The following DCDC1 variants were observed in gnomAD, a reference collection of about 807,000 sequenced individuals.
DCDC1 encodes doublecortin domain containing 1.
In DCDC1, 200 loss-of-function variants were observed where a neutral mutation model predicts 178.3. That is an observed-to-expected ratio of 1.12 (90% CI 1.00 to 1.26). DCDC1 has a LOEUF of 1.26. Ranked by LOEUF, DCDC1 falls within the 50% of genes most tolerant of loss-of-function variation. The probability of loss-of-function intolerance (pLI) is 0.00; values close to 1 mark genes in which losing one functional copy is unlikely to be tolerated. For missense variants in DCDC1, 1,983 were observed against 1,749.2 expected (o/e 1.13, Z -2.38); for synonymous variants, 690 against 604.8 (o/e 1.14, Z -2.07).
chr11:31,185,768 T>G (rs764438453), intron 9 of DCDC1, among the ~76,000 whole-genome samples: 3 of 152,214 alleles, frequency 2.0e-5, no homozygotes, highest in Non-Finnish European at 1.5e-5. Flanking sequence ...AAGGCTAGAG[T>G]TGCCATGCAA....
intron 8 of DCDC1, among the ~76,000 whole-genome samples, chr11:31,255,160 T>A (rs912353649): frequency 6.6e-6 from 1 of 152,250 alleles, no homozygotes; most frequent in Non-Finnish European, 1.5e-5. Context: ...ATTGTATGTA[T>A]ATACTACCAT....
intron 9 of DCDC1, among the ~76,000 whole-genome samples, chr11:31,225,081 G>T (rs1974750959): frequency 6.6e-6 from 1 of 152,042 alleles, no homozygotes; most frequent in African/African-American, 2.4e-5. Context: ...AGCAGCACAA[G>T]TCACAATTGC....
chr11:31,128,248 T>C (rs1405908311), intron 10 of DCDC1, among the ~76,000 whole-genome samples: 1 of 152,074 alleles, frequency 6.6e-6, no homozygotes, highest in Non-Finnish European at 1.5e-5. Context: ...ATTTTAAATA[T>C]ATATTAATGT....
At chr11:31,055,846 G>T (rs546570669) in intron 20 of DCDC1, among the ~76,000 whole-genome samples, 3 of 152,066 alleles carry the variant, frequency 2.0e-5, no homozygotes, top group Admixed American at 6.6e-5. Flanking sequence ...TTGGGTACTT[G>T]GGGGGAAGGA....
intron 20 of DCDC1, among the ~76,000 whole-genome samples, chr11:30,973,323 G>A (rs1949919024): frequency 6.7e-6 from 1 of 148,860 alleles, no homozygotes. Context: ...TCTTCCTCCT[G>A]CTCTGGCCAT....
intron 20 of DCDC1, among the ~76,000 whole-genome samples, chr11:30,983,550 G>A (rs181684420): frequency 5.3e-5 from 8 of 151,922 alleles, no homozygotes; most frequent in African/African-American, 1.9e-4. Context: ...AAATCATATT[G>A]GATTTTTTCA....
At position 30,986,229 on chromosome 11, in the gene DCDC1, A is replaced by T. The variant is rs1950633322; in HGVS notation, c.2592-33661T>A. 1.3e-5 allele frequency among the ~76,000 whole-genome samples: 2 copies of T among 152,126 alleles called. 1 individual carries two copies. Among genetic ancestry groups the T allele is most frequent in the Admixed American group, 1.3e-4 (2 of 15,270 alleles). ...ATGTTCACTCCCCAGACAGCAAGAA[A>T]AAAAAAAGGCAATAGTAAAAGATTT... is the stretch of plus-strand genomic sequence containing the variant. On this transcript the variant is annotated intron_variant, in intron 20 of 38. Coordinates refer to ENST00000684477, the MANE Select transcript of DCDC1 (RefSeq NM_001387274.1).
chr11:30,942,049 C>A (rs1374805201), intron 21 of DCDC1, among the ~76,000 whole-genome samples: 1 of 152,098 alleles, frequency 6.6e-6, no homozygotes, highest in African/African-American at 2.4e-5. Flanking sequence ...TATTCCTAAA[C>A]CTCACTGAGA....
chr11:30,953,070 A>T (rs763018140), intron 20 of DCDC1, among the ~76,000 whole-genome samples: 6 of 151,874 alleles, frequency 4.0e-5, no homozygotes, highest in Non-Finnish European at 7.4e-5. Flanking sequence ...ATGCTAATGG[A>T]GAACATATCT....
At chr11:31,098,075 T>G (rs1441441996) in intron 15 of DCDC1, among the ~76,000 whole-genome samples, 1 of 152,222 alleles carries the variant, frequency 6.6e-6, no homozygotes, top group Non-Finnish European at 1.5e-5. Flanking sequence ...TGAAGCCATG[T>G]ACTGAAAGGC....
chr11:31,242,587 C>T (rs1977293821), intron 8 of DCDC1, among the ~76,000 whole-genome samples: 2 of 151,870 alleles, frequency 1.3e-5, no homozygotes, highest in African/African-American at 4.8e-5. Context: ...TTCTGATACA[C>T]ATTTCTGCTA....
intron 21 of DCDC1, among the ~76,000 whole-genome samples, chr11:30,952,079 A>G (rs1948458995): frequency 6.6e-6 from 1 of 152,200 alleles, no homozygotes. Flanking sequence ...GAAAGTTGGA[A>G]TGTTTCTATT....
chr11:30,977,611 T>A (rs1441543369), intron 20 of DCDC1, among the ~76,000 whole-genome samples: 1 of 152,210 alleles, frequency 6.6e-6, no homozygotes, highest in Non-Finnish European at 1.5e-5. Flanking sequence ...TATGTAGGAT[T>A]ACTACCTTAG....
chr11:31,183,054 A>G (rs910840863), intron 9 of DCDC1, among the ~76,000 whole-genome samples: 4 of 152,240 alleles, frequency 2.6e-5, no homozygotes, highest in Non-Finnish European at 5.9e-5. Flanking sequence ...AGAGTTAACT[A>G]TCCTAAACAT....
At chr11:31,021,178 T>A (rs1384519057) in intron 20 of DCDC1, among the ~76,000 whole-genome samples, 1 of 152,216 alleles carries the variant, frequency 6.6e-6, no homozygotes, top group Non-Finnish European at 1.5e-5. Context: ...TGGCAAGAAC[T>A]GTAAAAATTA....
At position 31,368,570 on chromosome 11, in the gene DCDC1, T is replaced by C. The variant is rs555221602; in HGVS notation, c.-125+1127A>G. ...ACATGACAAAACCCTGTGGAGAACC[T>C]AATCTATGCTTTCATCTTTAGATTT... On this transcript the variant is annotated intron_variant, in intron 1 of 38. Coordinates refer to ENST00000684477, the MANE Select transcript of DCDC1 (RefSeq NM_001387274.1). Among the ~76,000 whole-genome samples the C allele has an allele frequency of 2.6e-5, 4 of 152,370 alleles. No individual in the cohort carries two copies. In the South Asian group the frequency reaches 8.3e-4, roughly 32 times the overall value.
At chr11:31,254,468 T>C (rs1318449221) in intron 8 of DCDC1, among the ~76,000 whole-genome samples, 1 of 152,180 alleles carries the variant, frequency 6.6e-6, no homozygotes, top group Non-Finnish European at 1.5e-5. Context: ...AGGATTAAGA[T>C]TTAGGAATAG....
In DCDC1 at chr11:31,152,133, T is replaced by G. The variant is rs145892003; in HGVS notation, c.1222-14349A>C. Among the ~76,000 whole-genome samples, 522 of 152,292 alleles carry G rather than the reference T, an allele frequency of 3.4e-3. 3 individuals carry two copies. Among genetic ancestry groups the G allele is most frequent in the Non-Finnish European group, 6.2e-3 (420 of 68,020 alleles). On this transcript the variant is annotated intron_variant, in intron 9 of 38. Transcript: ENST00000684477. The stretch of plus-strand genomic sequence containing the variant: ...TTTTCATTCAACCTGGTTCAATTTT[T>G]TCATTTCATGTCTAATTGAAAGCTG...
At chr11:31,218,168 ATTT>A (rs1234888516) in intron 9 of DCDC1, among the ~76,000 whole-genome samples, 1 of 152,070 alleles carries the variant, frequency 6.6e-6, no homozygotes, top group South Asian at 2.1e-4. Flanking sequence ...ATAATTACAG[ATTT>A]TTTTAATTAA....
Sources: allele counts gnomAD v4.1 joint callset (sites outside exome capture counted in the v4.1 genomes callset), GRCh38; gene constraint gnomAD v4.1.1; transcripts MANE v1.5; gene names NCBI Gene and HGNC (gene_info 2026-07-23, HGNC 2026-07-21).